The following C12orf54 variants were observed in gnomAD, a reference collection of about 807,000 sequenced individuals.
The protein encoded by C12orf54 is uncharacterized protein C12orf54.
C12orf54 carries 24 observed loss-of-function variants against 26.4 expected under a neutral mutation model. The ratio of observed to expected loss-of-function variants is 0.91; its 90% confidence interval spans 0.66 to 1.28. The LOEUF (loss-of-function observed/expected upper bound fraction) is 1.28. C12orf54 is among the 50% of genes most tolerant of loss of function. The probability of loss-of-function intolerance (pLI) is 0.00; values close to 1 mark genes in which losing one functional copy is unlikely to be tolerated. For synonymous variants in C12orf54, 54 were observed against 47.0 expected, an observed-to-expected ratio of 1.15 and a Z score of -0.61; for missense variants, 154 against 150.9, an observed-to-expected ratio of 1.02 and a Z score of -0.11.
chr12:48,420,821 C>T, the C12orf54 span, among the ~76,000 whole-genome samples: 2 of 152,152 alleles, frequency 1.3e-5, no homozygotes, highest in African/African-American at 4.8e-5. Flanking sequence ...TCTGCTATTG[C>T]TATAGTCTTG....
At chr12:48,449,319 G>T in the C12orf54 span, among the ~76,000 whole-genome samples, 1 of 152,272 alleles carries the variant, frequency 6.6e-6, no homozygotes, top group South Asian at 2.1e-4. Flanking sequence ...CCCCACAAAG[G>T]ATGGCTTCAT....
chr12:48,441,975 G>A, the C12orf54 span: 2 of 152,186 alleles, frequency 1.3e-5, no homozygotes, highest in African/African-American at 2.4e-5. Flanking sequence ...TGCACTGCTT[G>A]TTGCAGTTCT....
At chr12:48,434,116 T>C in the C12orf54 span, among the ~76,000 whole-genome samples, 45 of 152,280 alleles carry the variant, frequency 3.0e-4, 2 homozygotes, top group East Asian at 8.5e-3. Flanking sequence ...GGAGATTATA[T>C]CCCACACATG....
the C12orf54 span, among the ~76,000 whole-genome samples, chr12:48,420,877 C>T: frequency 6.6e-6 from 1 of 152,084 alleles, no homozygotes; most frequent in African/African-American, 2.4e-5. Context: ...GCCACATTTG[C>T]TTGTATGGTA....
At chr12:48,464,082 T>G in the C12orf54 span, among the ~76,000 whole-genome samples, 1 of 151,882 alleles carries the variant, frequency 6.6e-6, no homozygotes, top group African/African-American at 2.4e-5. Flanking sequence ...ATAAGAGCAA[T>G]CAGGAAAGAG....
At chr12:48,489,155 G>C in intron 5 of C12orf54, 199 bp downstream of exon 5, 1 of 742,060 alleles carries the variant, frequency 1.3e-6, no homozygotes, top group Non-Finnish European at 2.5e-6. Context: ...CAGTTCCCTT[G>C]AGGAAATGTG....
the C12orf54 span, among the ~76,000 whole-genome samples, chr12:48,423,092 A>G: frequency 2.0e-5 from 3 of 152,160 alleles, no homozygotes; most frequent in African/African-American, 4.8e-5. Context: ...TTCATAACAT[A>G]AAACAGTTTA....
the C12orf54 span, among the ~76,000 whole-genome samples, chr12:48,457,644 A>G: frequency 0.2 from 29,976 of 151,878 alleles, 3,289 homozygotes; most frequent in South Asian, 0.3. Flanking sequence ...AATTGTTCTG[A>G]TGGTGTTTGG....
chr12:48,435,762 TA>T, the C12orf54 span, among the ~76,000 whole-genome samples: 4 of 152,162 alleles, frequency 2.6e-5, no homozygotes, highest in African/African-American at 9.7e-5. Context: ...AAGGAAGCAC[TA>T]AACATGGAAA....
At chr12:48,428,899 G>A in the C12orf54 span, among the ~76,000 whole-genome samples, 65 of 152,100 alleles carry the variant, frequency 4.3e-4, no homozygotes, top group Middle Eastern at 3.4e-3. Flanking sequence ...CCTCATGAAC[G>A]TAGATGCTAA....
At chr12:48,488,987 C>T (rs776841790) in intron 5 of C12orf54, 31 bp downstream of exon 5, 2 of 1,606,112 alleles carry the variant, frequency 1.2e-6, no homozygotes, top group African/African-American at 2.7e-5. Context: ...TCTGAATTCC[C>T]CAGCCCCATC....
At chr12:48,451,580 T>A in the C12orf54 span, among the ~76,000 whole-genome samples, 1 of 152,080 alleles carries the variant, frequency 6.6e-6, no homozygotes, top group Non-Finnish European at 1.5e-5. Context: ...ATAATCCTAT[T>A]TCTAGAAAAC....
chr12:48,465,876 T>C, the C12orf54 span, among the ~76,000 whole-genome samples: 10 of 152,188 alleles, frequency 6.6e-5, no homozygotes, highest in African/African-American at 2.2e-4. Flanking sequence ...ACTAATTGAA[T>C]ATCAACAAGG....
the C12orf54 span, among the ~76,000 whole-genome samples, chr12:48,439,004 C>T: frequency 6.6e-6 from 1 of 152,116 alleles, no homozygotes; most frequent in African/African-American, 2.4e-5. Flanking sequence ...GCAACCTACT[C>T]ATCTGACAAA....
At chr12:48,440,011 G>T in the C12orf54 span, among the ~76,000 whole-genome samples, 4 of 152,150 alleles carry the variant, frequency 2.6e-5, no homozygotes, top group African/African-American at 9.7e-5. Context: ...GATGGCCTGA[G>T]GTCAGGAGTT....
At chr12:48,470,092 C>A in the C12orf54 span, among the ~76,000 whole-genome samples, 1 of 152,184 alleles carries the variant, frequency 6.6e-6, no homozygotes, top group African/African-American at 2.4e-5. Flanking sequence ...TCCAGTCTAA[C>A]CATTGATGAG....
At chr12:48,415,881 C>G in the C12orf54 span, among the ~76,000 whole-genome samples, 2 of 152,130 alleles carry the variant, frequency 1.3e-5, no homozygotes, top group Non-Finnish European at 2.9e-5. Flanking sequence ...ACCAGCCAAA[C>G]TAACAGAAAA....
At chr12:48,422,140 G>A in the C12orf54 span, among the ~76,000 whole-genome samples, 1 of 152,100 alleles carries the variant, frequency 6.6e-6, no homozygotes, top group Non-Finnish European at 1.5e-5. Context: ...AAAAGAAGAG[G>A]CTCTATTCTC....
intron 8 of C12orf54, 138 bp downstream of exon 8, chr12:48,495,117 T>G (rs2731111): frequency 0.29 from 185,074 of 632,272 alleles, 29,910 homozygotes; most frequent in East Asian, 0.48. Flanking sequence ...CAAGGGGCAA[T>G]AGGGTGAGAG....
Sources: gnomAD v4.1 joint callset for allele counts (sites outside exome capture counted in the v4.1 genomes callset) on GRCh38, gnomAD v4.1.1 for gene constraint, MANE v1.5 for transcripts, NCBI Gene and HGNC (gene_info 2026-07-23, HGNC 2026-07-21) for gene names.